PCM1: variants seen among roughly 807,000 people sequenced by gnomAD.
PCM1 encodes pericentriolar material 1.
PCM1 carries 157 observed loss-of-function variants against 241.9 expected under a neutral mutation model. That is an observed-to-expected ratio of 0.65 (90% CI 0.57 to 0.74). The LOEUF is 0.74. PCM1 is among the 30% of genes least tolerant of loss of function. The pLI, the probability that PCM1 is intolerant of heterozygous loss-of-function variation, is 0.00. For synonymous variants in PCM1, 1,085 were observed against 784.9 expected (o/e 1.38, Z -6.39); for missense variants, 3,478 against 2,360.1 (o/e 1.47, Z -9.81).
chr8:17,966,264 T>G (rs760413398), intron 19 of PCM1, 46 bp downstream of exon 19: 1 of 1,607,696 alleles, frequency 6.2e-7, no homozygotes, highest in Non-Finnish European at 8.5e-7. Context: ...TTTTATAACT[T>G]CTGAAGCAAT....
chr8:17,981,581 T>C (rs919227921), intron 24 of PCM1, among the ~76,000 whole-genome samples: 1 of 152,206 alleles, frequency 6.6e-6, no homozygotes, highest in Non-Finnish European at 1.5e-5. Flanking sequence ...TGGATAGACC[T>C]TAATCTAGTA....
intron 36 of PCM1, among the ~76,000 whole-genome samples, chr8:18,015,476 C>T (rs185474037): frequency 6.6e-6 from 1 of 152,268 alleles, no homozygotes; most frequent in Non-Finnish European, 1.5e-5. Context: ...AAGTAGCCCC[C>T]TAACATATGG....
At chr8:17,936,799 T>C (rs1744793985) in intron 3 of PCM1, among the ~76,000 whole-genome samples, 1 of 152,234 alleles carries the variant, frequency 6.6e-6, no homozygotes, top group Non-Finnish European at 1.5e-5. Flanking sequence ...GTATCTGTAA[T>C]TTATTTCACT....
At chr8:18,012,104 C>A (rs1193184070) in intron 34 of PCM1, among the ~76,000 whole-genome samples, 1 of 152,140 alleles carries the variant, frequency 6.6e-6, no homozygotes, top group Non-Finnish European at 1.5e-5. Context: ...AAGCGATCCT[C>A]CCACCTCAGC....
intron 13 of PCM1, among the ~76,000 whole-genome samples, chr8:17,958,095 A>G (rs1427436655): frequency 1.3e-5 from 2 of 152,230 alleles, no homozygotes; most frequent in Non-Finnish European, 2.9e-5. Context: ...TAAACAATAT[A>G]GCTGTTTTTA....
intron 23 of PCM1, among the ~76,000 whole-genome samples, chr8:17,976,820 GA>G (rs2078943267): frequency 6.6e-6 from 1 of 151,930 alleles, no homozygotes; most frequent in Non-Finnish European, 1.5e-5. Flanking sequence ...CTTAACTTTG[GA>G]AATCTAGCCT....
At chr8:18,014,951 A>G in intron 36 of PCM1, 111 bp downstream of exon 36, 1 of 905,998 alleles carries the variant, frequency 1.1e-6, no homozygotes, top group Non-Finnish European at 1.6e-6. Flanking sequence ...TAGGTTTAGA[A>G]CATGTTGGAA....
At chr8:17,966,608 A>G in intron 20 of PCM1, 135 bp downstream of exon 20, 1 of 689,680 alleles carries the variant, frequency 1.4e-6, no homozygotes, top group Non-Finnish European at 2.3e-6. Context: ...GAATTTTATA[A>G]GTGGTGATTT....
intron 10 of PCM1, 67 bp from the exon 11 acceptor site, chr8:17,956,537 A>G: frequency 3.1e-6 from 3 of 979,616 alleles, no homozygotes; most frequent in East Asian, 2.6e-5. Flanking sequence ...CTATGATATG[A>G]AAATAATGTC....
In PCM1 at chr8:17,937,371, T is replaced by A. The variant is rs1302714325; in HGVS notation, c.334T>A (p.Leu112Ile). 1.9e-6 allele frequency: 3 copies of A among 1,586,974 alleles called. No homozygotes were observed. The highest frequency in any genetic ancestry group is 1.2e-5 in the South Asian group (1 of 84,192). Residue 112 changes from leucine (L) to isoleucine (I), a missense_variant, in exon 4 of 39, where the codon TTA (leucine) becomes ATA (isoleucine). By Grantham distance (5) the Leu-to-Ile change is conservative. Coordinates refer to ENST00000325083, the MANE Select transcript of PCM1 (RefSeq NM_006197.4). ...GAAACAGCGGATAAACTTCAGTGATTTAGATCAGGTTTGTGAATTATTTTT... is the reference window on the plus strand; with the variant it reads ...GAAACAGCGGATAAACTTCAGTGATATAGATCAGGTTTGTGAATTATTTTT... Reference protein sequence around the residue: ...KLKQRINFSDLDQRSIGSDSQ... With the variant: ...KLKQRINFSDIDQRSIGSDSQ...
At position 17,995,241 on chromosome 8, in the gene PCM1, A is replaced by G. The variant is rs919828505; in HGVS notation, c.4827+1622A>G. Among the ~76,000 whole-genome samples, 22 of 151,598 alleles carry G rather than the reference A, an allele frequency of 1.5e-4. 1 individual carries two copies. Among genetic ancestry groups the G allele is most frequent in the African/African-American group, 4.9e-4 (20 of 40,910 alleles). On this transcript the variant is annotated intron_variant, in intron 29 of 38. Transcript: ENST00000325083. Reference sequence around the variant, plus strand: ...TAGAGGTCTAGTTTCATTCCTCTGCATATGGATATCCAGTTACCCCAGCAC... The same window carrying G: ...TAGAGGTCTAGTTTCATTCCTCTGCGTATGGATATCCAGTTACCCCAGCAC...
At chr8:17,940,070 G>A (rs766362937) in intron 6 of PCM1, 9 of 1,579,434 alleles carry the variant, frequency 5.7e-6, no homozygotes, top group Admixed American at 1.7e-5. Flanking sequence ...GAGGATGTTC[G>A]GACTATAGAT....
chr8:17,936,199 G>C (rs1241834071), intron 3 of PCM1, among the ~76,000 whole-genome samples: 1 of 152,114 alleles, frequency 6.6e-6, no homozygotes, highest in Non-Finnish European at 1.5e-5. Flanking sequence ...TTTGTAGTAT[G>C]ATTATCCTAA....
intron 6 of PCM1, 80 bp downstream of exon 6, chr8:17,939,941 C>A (rs966824920): frequency 9.1e-7 from 1 of 1,096,600 alleles, no homozygotes; most frequent in Non-Finnish European, 1.3e-6. Context: ...CTGATGCCAC[C>A]CCAGAGGAGT....
In PCM1 at chr8:17,938,845, A is replaced by G. The variant is rs750152684; in HGVS notation, c.448A>G (p.Thr150Ala). The change falls in exon 5 of 39, where the codon ACT (threonine) becomes GCT (alanine). Residue 150 changes from threonine (T) to alanine (A), a missense_variant. By Grantham distance (58) the Thr-to-Ala change is moderately conservative. Transcript: ENST00000325083. ...CAACTTTTTGCCTATGCAGATTAAT[A>G]CTAACAAGAGCAAAGATGCATCTAC... ...PFNFLPMQIN[T>A]NKSKDASTNP... 3.1e-6 allele frequency: 5 copies of G among 1,613,672 alleles called. No homozygotes were observed. Among genetic ancestry groups the G allele is most frequent in the Non-Finnish European group, 2.5e-6 (3 of 1,179,550 alleles).
intron 24 of PCM1, among the ~76,000 whole-genome samples, chr8:17,984,704 A>G (rs1369751666): frequency 1.3e-5 from 2 of 151,988 alleles, no homozygotes; most frequent in African/African-American, 2.4e-5. Context: ...AAGATACTCA[A>G]CATTTTAAAT....
At chr8:17,932,015 T>C (rs1585652642) in intron 2 of PCM1, among the ~76,000 whole-genome samples, 1 of 152,172 alleles carries the variant, frequency 6.6e-6, no homozygotes, top group African/African-American at 2.4e-5. Context: ...TTAGCTTTTG[T>C]TTAAAAAAAT....
chr8:18,001,104 C>G (rs1041159640), intron 29 of PCM1, among the ~76,000 whole-genome samples: 1 of 152,096 alleles, frequency 6.6e-6, no homozygotes, highest in South Asian at 2.1e-4. Context: ...TGATGTGGGA[C>G]CAGGTGATTC....
chr8:17,955,737 A>T (rs1013395344), intron 10 of PCM1, 84 bp downstream of exon 10: 2 of 1,028,290 alleles, frequency 1.9e-6, no homozygotes. Flanking sequence ...AAATTCTGCA[A>T]AACGAGATTT....
Sources: gnomAD v4.1 joint callset for allele counts (sites outside exome capture counted in the v4.1 genomes callset) on GRCh38, gnomAD v4.1.1 for gene constraint, MANE v1.5 for transcripts, NCBI Gene and HGNC (gene_info 2026-07-23, HGNC 2026-07-21) for gene names.